The following GLRA3 variants were observed in gnomAD, a reference collection of about 807,000 sequenced individuals.
GLRA3 encodes glycine receptor subunit alpha-3.
In GLRA3, 44 loss-of-function variants were observed where a neutral mutation model predicts 60.4. That is an observed-to-expected ratio of 0.73 (90% CI 0.57 to 0.94). The LOEUF is 0.94. Among genes scored for constraint, GLRA3 ranks in the 40% least tolerant of loss-of-function variants. The pLI, the probability that GLRA3 is intolerant of heterozygous loss-of-function variation, is 0.00. For missense variants in GLRA3, 508 were observed against 564.6 expected (o/e 0.90, Z 1.02); for synonymous variants, 223 against 192.9 (o/e 1.16, Z -1.29).
chr4:174,767,795 G>C (rs757417595), intron 2 of GLRA3, among the ~76,000 whole-genome samples: 1 of 151,988 alleles, frequency 6.6e-6, no homozygotes, highest in Non-Finnish European at 1.5e-5. Flanking sequence ...GAGATACTGG[G>C]ACTCTCTGAG....
chr4:174,676,970 T>C (rs1188981959), intron 7 of GLRA3, 108 bp downstream of exon 7: 2 of 663,440 alleles, frequency 3.0e-6, no homozygotes, highest in Non-Finnish European at 5.3e-6. Flanking sequence ...AAACCAGTAA[T>C]GCCATTGAAA....
intron 4 of GLRA3, among the ~76,000 whole-genome samples, chr4:174,716,637 C>A (rs919643494): frequency 1.3e-5 from 2 of 152,058 alleles, no homozygotes; most frequent in Non-Finnish European, 2.9e-5. Context: ...ACTTCGTGAC[C>A]CTAGGCAGAT....
intron 3 of GLRA3, among the ~76,000 whole-genome samples, chr4:174,763,474 C>G (rs1579568170): frequency 1.3e-5 from 2 of 152,204 alleles, no homozygotes; most frequent in Admixed American, 1.3e-4. Flanking sequence ...CTGTGGACAC[C>G]CTGAAGACCA....
At chr4:174,804,158 T>C (rs1739937068) in intron 1 of GLRA3, among the ~76,000 whole-genome samples, 1 of 152,162 alleles carries the variant, frequency 6.6e-6, no homozygotes, top group Non-Finnish European at 1.5e-5. Flanking sequence ...TGAAAATTTA[T>C]AGGATGAAGG....
intron 3 of GLRA3, among the ~76,000 whole-genome samples, chr4:174,731,948 G>A (rs1016245900): frequency 2.0e-5 from 3 of 152,192 alleles, no homozygotes; most frequent in African/African-American, 7.2e-5. Flanking sequence ...ATACTAATGA[G>A]ATACCATTTT....
intron 3 of GLRA3, among the ~76,000 whole-genome samples, chr4:174,752,148 T>G (rs992158029): frequency 2.0e-5 from 3 of 152,146 alleles, no homozygotes; most frequent in Non-Finnish European, 4.4e-5. Context: ...AGAATCAGAA[T>G]TTTTAGCCTT....
chr4:174,710,098 C>T (rs1735660709), intron 5 of GLRA3, among the ~76,000 whole-genome samples: 1 of 151,598 alleles, frequency 6.6e-6, no homozygotes, highest in Middle Eastern at 3.2e-3. Flanking sequence ...TTCTCTGTTT[C>T]ACTTCTTCCA....
intron 1 of GLRA3, among the ~76,000 whole-genome samples, chr4:174,827,328 A>C: frequency 6.6e-6 from 1 of 151,640 alleles, no homozygotes. Context: ...AACCTCATTG[A>C]CCAAAACATT....
chr4:174,670,740 T>C (rs371663669), intron 7 of GLRA3, among the ~76,000 whole-genome samples: 88 of 152,286 alleles, frequency 5.8e-4, no homozygotes, highest in Admixed American at 3.1e-3. Context: ...TGGAATCTAA[T>C]ATTTCTAGTA....
At chr4:174,731,460 AT>A (rs1376568066) in intron 3 of GLRA3, among the ~76,000 whole-genome samples, 14 of 152,190 alleles carry the variant, frequency 9.2e-5, no homozygotes, top group African/African-American at 3.4e-4. Context: ...TGTACAACAC[AT>A]TTTGTATATG....
chr4:174,667,695 G>T (rs1028276494), intron 7 of GLRA3, among the ~76,000 whole-genome samples: 17 of 152,066 alleles, frequency 1.1e-4, no homozygotes, highest in African/African-American at 4.1e-4. Flanking sequence ...TTATGTATGA[G>T]AATAAGTTTG....
chr4:174,652,018 GT>G (rs918555047), intron 9 of GLRA3, among the ~76,000 whole-genome samples: 26 of 148,034 alleles, frequency 1.8e-4, no homozygotes, highest in Middle Eastern at 3.5e-3. Flanking sequence ...AAAACATCAA[GT>G]TTTTTTTTTA....
At chr4:174,760,757 T>C (rs922088800) in intron 3 of GLRA3, among the ~76,000 whole-genome samples, 2 of 152,108 alleles carry the variant, frequency 1.3e-5, no homozygotes, top group African/African-American at 4.8e-5. Flanking sequence ...TGACCTCAGG[T>C]GATCCGCCCT....
At chr4:174,664,004 G>A (rs960841980) in intron 7 of GLRA3, among the ~76,000 whole-genome samples, 1 of 152,122 alleles carries the variant, frequency 6.6e-6, no homozygotes, top group African/African-American at 2.4e-5. Flanking sequence ...GAGGTGCACT[G>A]GTCAGGGGAC....
intron 1 of GLRA3, among the ~76,000 whole-genome samples, chr4:174,817,178 AG>A (rs1740539488): frequency 6.6e-6 from 1 of 152,230 alleles, no homozygotes; most frequent in Non-Finnish European, 1.5e-5. Flanking sequence ...CAAGCCTGCC[AG>A]GAAAACTGCA....
chr4:174,747,466 A>G (rs916474675), intron 3 of GLRA3, among the ~76,000 whole-genome samples: 76 of 152,168 alleles, frequency 5.0e-4, no homozygotes, highest in African/African-American at 1.8e-3. Context: ...TTGAGAGCCA[A>G]TGAAAGAGCA....
intron 7 of GLRA3, 88 bp from the exon 8 acceptor site, chr4:174,659,285 T>C (rs1733341711): frequency 1.1e-6 from 1 of 910,386 alleles, no homozygotes; most frequent in Non-Finnish European, 1.7e-6. Context: ...GATTCTGAAT[T>C]ATGTCATTTA....
At chr4:174,692,641 C>T (rs1286325983) in intron 5 of GLRA3, among the ~76,000 whole-genome samples, 7 of 150,942 alleles carry the variant, frequency 4.6e-5, no homozygotes, top group African/African-American at 1.2e-4. Flanking sequence ...TGACCTTACC[C>T]CCAACCCTGT....
intron 9 of GLRA3, 56 bp downstream of exon 9, chr4:174,656,687 T>C (rs1367526739): frequency 2.1e-6 from 2 of 944,752 alleles, no homozygotes; most frequent in East Asian, 2.4e-5. Flanking sequence ...GAATATGCTG[T>C]CTGCTTTTTA....
Sources: allele counts gnomAD v4.1 joint callset (sites outside exome capture counted in the v4.1 genomes callset), GRCh38; gene constraint gnomAD v4.1.1; transcripts MANE v1.5; gene names NCBI Gene and HGNC (gene_info 2026-07-23, HGNC 2026-07-21).